Variants in ALPK2 observed in about 807,000 individuals in gnomAD.
The protein encoded by ALPK2 is alpha-protein kinase 2.
A neutral mutation model predicts 163.1 loss-of-function variants in ALPK2; 127 were observed. That is an observed-to-expected ratio of 0.78 (90% CI 0.67 to 0.90). The LOEUF is 0.90. Ranked by LOEUF, ALPK2 falls within the 40% of genes least tolerant of loss-of-function variation. The probability of loss-of-function intolerance (pLI) is 0.00; values close to 1 mark genes in which losing one functional copy is unlikely to be tolerated. For synonymous variants in ALPK2, 953 were observed against 959.1 expected (o/e 0.99, Z 0.12); for missense variants, 2,360 against 2,589.6 (o/e 0.91, Z 1.92).
chr18:58,492,109 C>T (rs1192084933), intron 12 of ALPK2, among the ~76,000 whole-genome samples: 1 of 152,124 alleles, frequency 6.6e-6, no homozygotes, highest in Non-Finnish European at 1.5e-5. Context: ...CCCACAGGCT[C>T]CTTCCCCTCT....
In ALPK2 at chr18:58,491,866, C is replaced by T. The variant is rs559363697; in HGVS notation, c.6296+6183G>A. 8.5e-5 allele frequency among the ~76,000 whole-genome samples: 13 copies of T among 152,342 alleles called. No homozygotes were observed. The South Asian group carries it at 1.9e-3, about 22-fold the overall frequency. On this transcript the variant is annotated intron_variant, in intron 12 of 12. Coordinates refer to ENST00000361673, the MANE Select transcript of ALPK2 (RefSeq NM_052947.4). ...GCAGGTAATTGAGGTGAGGGAGAAGCGCGTCAGCATTCCCACTAGGTACAG... is the reference window on the plus strand; with the variant it reads ...GCAGGTAATTGAGGTGAGGGAGAAGTGCGTCAGCATTCCCACTAGGTACAG...
Position 58,538,194 on chromosome 18 carries a change from T to C in ALPK2, c.1993A>G (p.Ile665Val). Residue 665 changes from isoleucine to valine, a missense_variant, in exon 5 of 13, where the codon ATC (isoleucine) becomes GTC (valine). Physicochemically the swap from Ile to Val is conservative, Grantham distance 29 (BLOSUM62 3). Coordinates refer to ENST00000361673, the MANE Select transcript of ALPK2 (RefSeq NM_052947.4). ...VQVQETVRETISCSQMPAFSE... is the reference protein window; with the variant it reads ...VQVQETVRETVSCSQMPAFSE... ...AAAGCTGGCATCTGGCTGCAAGAGA[T>C]TGTCTCTCTGACTGTTTCCTGAACT... is the stretch of plus-strand genomic sequence containing the variant. 6.2e-7 allele frequency: 1 copy of C among 1,612,182 alleles called. No individual in the cohort carries two copies. The highest frequency in any genetic ancestry group is 2.2e-5 in the East Asian group (1 of 44,878).
chr18:58,538,358 T>A, intron 4 of ALPK2, 134 bp from the exon 5 acceptor site: 1 of 818,536 alleles, frequency 1.2e-6, no homozygotes, highest in Non-Finnish European at 1.9e-6. Flanking sequence ...TAAACATTAA[T>A]CCCCCAACTC....
chr18:58,628,501 T>C (rs182684089), intron 1 of ALPK2, among the ~76,000 whole-genome samples: 32 of 152,358 alleles, frequency 2.1e-4, no homozygotes, highest in Admixed American at 2.0e-3. Flanking sequence ...TTTTCATTCA[T>C]TATTGTCAAG....
At chr18:58,492,890 T>C (rs1407130700) in intron 12 of ALPK2, among the ~76,000 whole-genome samples, 2 of 152,318 alleles carry the variant, frequency 1.3e-5, no homozygotes, top group East Asian at 3.9e-4. Flanking sequence ...CTGTTGGGCC[T>C]GGGAGACTCC....
At chr18:58,502,134 CCACACACACACACACACACACACA>C (rs71173056) in intron 11 of ALPK2, among the ~76,000 whole-genome samples, 1 of 118,778 alleles carries the variant, frequency 8.4e-6, no homozygotes. Flanking sequence ...AACCCCATCT[CCACACACACACACACACACACACA>C]CACACACACA....
intron 3 of ALPK2, among the ~76,000 whole-genome samples, chr18:58,594,804 A>G (rs957365413): frequency 3.9e-5 from 6 of 152,204 alleles, no homozygotes; most frequent in African/African-American, 1.4e-4. Context: ...AGACACACTC[A>G]GAACCTGGCC....
At chr18:58,574,907 A>G (rs373706296) in intron 4 of ALPK2, among the ~76,000 whole-genome samples, 28 of 152,314 alleles carry the variant, frequency 1.8e-4, no homozygotes, top group East Asian at 5.8e-4. Context: ...GTGGAGACCA[A>G]CGATCATTAG....
intron 3 of ALPK2, among the ~76,000 whole-genome samples, chr18:58,598,794 C>A (rs1176278551): frequency 6.6e-6 from 1 of 152,130 alleles, no homozygotes; most frequent in Non-Finnish European, 1.5e-5. Context: ...AGCAATACAC[C>A]CCATCTTTTC....
rs2051627328 is a variant in ALPK2 at position 58,533,567 on chromosome 18, C to G, written c.5353+1267G>C. Among the ~76,000 whole-genome samples, 3 of 151,246 alleles carry G rather than the reference C, an allele frequency of 2.0e-5. No homozygotes were observed. In the South Asian group the frequency reaches 6.3e-4, roughly 32 times the overall value. On this transcript the variant is annotated intron_variant, in intron 5 of 12. Coordinates refer to ENST00000361673, the MANE Select transcript of ALPK2 (RefSeq NM_052947.4). ...CTCGACTTTCTGGGGTCAGGTGATT[C>G]TCCTTAGCCGCAGAGTAGCTGGGAC...
intron 4 of ALPK2, among the ~76,000 whole-genome samples, chr18:58,540,374 A>G (rs2051683874): frequency 6.6e-6 from 1 of 152,242 alleles, no homozygotes; most frequent in Non-Finnish European, 1.5e-5. Context: ...AAAGAAAAGT[A>G]TATTTATTCC....
At chr18:58,610,284 A>AAAG (rs2052121677) in intron 2 of ALPK2, among the ~76,000 whole-genome samples, 2 of 150,978 alleles carry the variant, frequency 1.3e-5, no homozygotes, top group Non-Finnish European at 3.0e-5. Context: ...TCAAAAAAAA[A>AAAG]AAAAAAAAAA....
chr18:58,547,675 A>G (rs1434384389), intron 4 of ALPK2, among the ~76,000 whole-genome samples: 1 of 152,216 alleles, frequency 6.6e-6, no homozygotes, highest in South Asian at 2.1e-4. Context: ...AAGAAAAGTT[A>G]TGGCTTCTTC....
chr18:58,604,700 C>A (rs767405033), intron 3 of ALPK2, among the ~76,000 whole-genome samples: 19 of 152,190 alleles, frequency 1.2e-4, no homozygotes, highest in Admixed American at 4.6e-4. Flanking sequence ...AGTAGACGGG[C>A]TATTTTTCAA....
rs950219562 is a variant in ALPK2 at position 58,481,518 on chromosome 18, A to C, written c.*305T>G. On this transcript the variant is annotated 3_prime_UTR_variant, in exon 13 of 13. Transcript: ENST00000361673. ...GTCCTCGACAGCACAACCATGTGCA[A>C]ATACACAAATATACACATGATGTGA... The C allele has an allele frequency of 2.8e-6, 1 of 355,810 alleles. No individual in the cohort carries two copies. 22.0% of individuals were successfully genotyped at this position (355,810 alleles called of 1,614,324 possible). A position where few individuals can be genotyped will look rare whatever the true frequency, so the allele number is the denominator to read the frequency against.
Position 58,537,652 on chromosome 18 carries a change from A to G in ALPK2, c.2535T>C (p.Gly845=), listed in dbSNP as rs2051660627. 1 of 1,613,478 alleles carries G rather than the reference A, an allele frequency of 6.2e-7. No homozygotes were observed. ...AACATAAATCAGATACTTTGTTTTGACCTTCTGCCAGTTCCGTATCTACAG... is the reference window on the plus strand; with the variant it reads ...AACATAAATCAGATACTTTGTTTTGGCCTTCTGCCAGTTCCGTATCTACAG... ...ICSVDTELAE[G]QNKVSDLCSS... Residue 845 remains glycine, a synonymous_variant, in exon 5 of 13, where the codon GGT becomes GGC. Transcript: ENST00000361673.
chr18:58,570,019 A>G (rs551681456), intron 4 of ALPK2, among the ~76,000 whole-genome samples: 3 of 151,876 alleles, frequency 2.0e-5, no homozygotes, highest in South Asian at 2.1e-4. Context: ...AATCCCAGCT[A>G]CTCGGAAGGC....
intron 5 of ALPK2, among the ~76,000 whole-genome samples, chr18:58,530,507 TC>T (rs1383623805): frequency 6.6e-6 from 1 of 152,242 alleles, no homozygotes. Context: ...CACCTCCTCA[TC>T]TGGGCCATTT....
intron 9 of ALPK2, among the ~76,000 whole-genome samples, chr18:58,515,344 A>G (rs2051515780): frequency 6.6e-6 from 1 of 152,200 alleles, no homozygotes; most frequent in Non-Finnish European, 1.5e-5. Context: ...AAATTTCTCG[A>G]GCCGGCAGGG....
Sources: allele counts gnomAD v4.1 joint callset (sites outside exome capture counted in the v4.1 genomes callset), GRCh38; gene constraint gnomAD v4.1.1; transcripts MANE v1.5; gene names NCBI Gene and HGNC (gene_info 2026-07-23, HGNC 2026-07-21).